Variants in L2HGDH observed in about 807,000 individuals in gnomAD.
L2HGDH encodes the protein L-2-hydroxyglutarate dehydrogenase, mitochondrial.
L2HGDH carries 34 observed loss-of-function variants against 51.5 expected under a neutral mutation model. That is an observed-to-expected ratio of 0.66 (90% CI 0.50 to 0.88). The LOEUF is 0.88. Ranked by LOEUF, L2HGDH falls within the 40% of genes least tolerant of loss-of-function variation. The pLI is 0.00. For synonymous variants in L2HGDH, 198 were observed against 197.9 expected, an observed-to-expected ratio of 1.00 and a Z score of -0.01; for missense variants, 558 against 571.9, an observed-to-expected ratio of 0.98 and a Z score of 0.25.
At chr14:50,258,297 C>T (rs185078405) in intron 9 of L2HGDH, among the ~76,000 whole-genome samples, 1 of 151,874 alleles carries the variant, frequency 6.6e-6, no homozygotes, top group Non-Finnish European at 1.5e-5. Flanking sequence ...CTTACTGCAG[C>T]CCTGACCTCC....
intron 5 of L2HGDH, among the ~76,000 whole-genome samples, chr14:50,283,097 C>T (rs940986741): frequency 1.7e-4 from 26 of 151,670 alleles, no homozygotes; most frequent in African/African-American, 6.3e-4. Flanking sequence ...GCTACTTGGG[C>T]GGCTCAGGTG....
At position 50,293,427 on chromosome 14, in the gene L2HGDH, A is replaced by G. The variant is rs1370967590; in HGVS notation, c.540+688T>C. ...TAGAATATCTTCTAGACCCTGGGCT[A>G]GGCAAAGATTTCTTTTTTTTTCTAT... is the stretch of plus-strand genomic sequence containing the variant. On this transcript the variant is annotated intron_variant, in intron 4 of 9. Coordinates refer to ENST00000267436, the MANE Select transcript of L2HGDH (RefSeq NM_024884.3). The G allele has an allele frequency of 2.0e-5, 9 of 456,912 alleles. No homozygotes were observed. The East Asian group carries it at 3.0e-4, about 15-fold the overall frequency. 28.3% of individuals were successfully genotyped at this position (456,912 alleles called of 1,614,324 possible). A position where few individuals can be genotyped will look rare whatever the true frequency, so the allele number is the denominator to read the frequency against.
rs1204365835 is a variant in L2HGDH at position 50,267,556 on chromosome 14, ATTTTTTTTTTTG to A, written c.1064+185_1064+196del. On this transcript the variant is annotated intron_variant, in intron 8 of 9. Transcript: ENST00000267436. The stretch of plus-strand genomic sequence containing the variant: ...AAATGTTATACTTATTCCAAAAGGC[ATTTTTTTTTTTG>A]TTTGTTTGTTTGTTTGTTTGCTACC... Among the ~76,000 whole-genome samples the A allele has an allele frequency of 2.7e-5, 4 of 150,084 alleles. No homozygotes were observed. The East Asian group carries it at 5.9e-4, about 22-fold the overall frequency.
chr14:50,271,622 C>G (rs1889691164), intron 6 of L2HGDH, among the ~76,000 whole-genome samples: 1 of 152,154 alleles, frequency 6.6e-6, no homozygotes. Flanking sequence ...GGGAGGATCA[C>G]TTGAGCCCAG....
chr14:50,256,293 T>C (rs894881100), intron 9 of L2HGDH, among the ~76,000 whole-genome samples: 3 of 152,026 alleles, frequency 2.0e-5, no homozygotes, highest in Non-Finnish European at 4.4e-5. Flanking sequence ...GGCAGGAGAA[T>C]CACTTGAGCC....
rs1231635969 is a variant in L2HGDH at position 50,278,568 on chromosome 14, A to G, written c.704-14T>C. ...GATATTGCATTCCTGAAAAAAAAGA[A>G]TAAGTGAAAAATTTATTTTTAGCAA... On this transcript the variant is annotated splice_polypyrimidine_tract_variant and intron_variant, in intron 5 of 9. Coordinates refer to ENST00000267436, the MANE Select transcript of L2HGDH (RefSeq NM_024884.3). 7.5e-7 allele frequency: 1 copy of G among 1,338,218 alleles called. No individual in the cohort carries two copies. The highest frequency in any genetic ancestry group is 1.8e-5 in the Admixed American group (1 of 55,368). The allele number at this position is 1,338,218 out of a possible 1,614,324, so 82.9% of individuals were successfully genotyped here. A position where few individuals can be genotyped will look rare whatever the true frequency, so the allele number is the denominator to read the frequency against.
rs778118435 is a variant in L2HGDH at position 50,312,073 on chromosome 14, C to T, written c.78G>A (p.Ala26=). The change falls in exon 1 of 10, where the codon GCG becomes GCA. Residue 26 remains alanine, a synonymous_variant. Transcript: ENST00000267436. ...TTGGCCTCCCAGACGCGAACCCGCA[C>T]GCCCCAGGGGAGCCACCGGCGAAAA... ...RGLFAGGSPG[A]CGFASGRPRP... is the part of the protein sequence containing the mutation. The T allele has an allele frequency of 2.5e-6, 4 of 1,601,666 alleles. No individual in the cohort carries two copies. Among genetic ancestry groups the T allele is most frequent in the Non-Finnish European group, 3.4e-6 (4 of 1,175,462 alleles).
intron 1 of L2HGDH, among the ~76,000 whole-genome samples, chr14:50,305,205 G>T (rs571639913): frequency 1.3e-5 from 2 of 152,306 alleles, no homozygotes; most frequent in South Asian, 4.1e-4. Context: ...CCTTATACTT[G>T]AACAGGGAGA....
chr14:50,293,056 GGAGCTGTGATCACGTCACTGCACTCTA>G (rs2029868431), intron 4 of L2HGDH: 1 of 554,200 alleles, frequency 1.8e-6, no homozygotes, highest in Admixed American at 3.2e-5. Context: ...CTGGTCATGG[GGAGCTGTGATCACGTCACTGCACTCTA>G]GCCTGGGTGA....
chr14:50,282,338 T>A (rs979232056), intron 5 of L2HGDH: 4 of 407,358 alleles, frequency 9.8e-6, no homozygotes, highest in Non-Finnish European at 1.9e-5. Context: ...CTTGGTGTCC[T>A]ACTTTCCTAG....
At chr14:50,290,299 A>G (rs1371852009) in intron 4 of L2HGDH, among the ~76,000 whole-genome samples, 1 of 152,112 alleles carries the variant, frequency 6.6e-6, no homozygotes, top group Non-Finnish European at 1.5e-5. Context: ...AAACAAAAAA[A>G]ACTCCCTTAA....
Position 50,242,911 on chromosome 14 carries a change from C to T in L2HGDH, c.*4147G>A. 3.0e-6 allele frequency: 3 copies of T among 985,434 alleles called. No homozygotes were observed. The highest frequency in any genetic ancestry group is 3.6e-6 in the Non-Finnish European group (3 of 829,944). The allele number at this position is 985,434 out of a possible 1,614,324, so 61.0% of individuals were successfully genotyped here. A position where few individuals can be genotyped will look rare whatever the true frequency, so the allele number is the denominator to read the frequency against. On this transcript the variant is annotated 3_prime_UTR_variant, in exon 10 of 10. Transcript: ENST00000267436. ...CTTAAACAATATAGACACCATGTCT[C>T]CTGTGTTTACAGGGATAGCTCATAG...
chr14:50,301,937 A>G, intron 3 of L2HGDH, 80 bp downstream of exon 3: 1 of 1,433,222 alleles, frequency 7.0e-7, no homozygotes, highest in South Asian at 1.2e-5. Context: ...AAAAAAATAC[A>G]TTTTTAAAAA....
intron 3 of L2HGDH, chr14:50,299,947 G>A (rs771295287): frequency 1.3e-5 from 2 of 152,398 alleles, no homozygotes; most frequent in Non-Finnish European, 2.9e-5. Context: ...ATTATCTTAG[G>A]TGAAATAAAC....
At chr14:50,267,107 A>C (rs17715808) in intron 8 of L2HGDH, among the ~76,000 whole-genome samples, 3,506 of 152,094 alleles carry the variant, frequency 0.023, 57 homozygotes, top group South Asian at 0.045. Flanking sequence ...TTGGATTGCC[A>C]GATATATGAA....
intron 9 of L2HGDH, among the ~76,000 whole-genome samples, chr14:50,260,959 T>C (rs1888982160): frequency 6.6e-6 from 1 of 151,808 alleles, no homozygotes; most frequent in South Asian, 2.1e-4. Context: ...CTACTAAAAA[T>C]ACAAAAAATT....
rs545962248 is a variant in L2HGDH, at chr14:50,289,008, A to G, written c.541-4975T>C. The stretch of plus-strand genomic sequence containing the variant: ...AAGAAACAGAAAGTGGGTTTAATCT[A>G]AATTTTTTAAGTAGACTCCTTTTTA... On this transcript the variant is annotated intron_variant, in intron 4 of 9. Transcript: ENST00000267436. Among the ~76,000 whole-genome samples the G allele has an allele frequency of 5.8e-4, 88 of 152,300 alleles. No individual in the cohort carries two copies. In the South Asian group the frequency reaches 0.013, roughly 23 times the overall value.
intron 8 of L2HGDH, among the ~76,000 whole-genome samples, chr14:50,266,736 T>C (rs1889357391): frequency 6.6e-6 from 1 of 152,222 alleles, no homozygotes; most frequent in Non-Finnish European, 1.5e-5. Flanking sequence ...TCCTAAACTT[T>C]CTGTTTCAGA....
intron 9 of L2HGDH, among the ~76,000 whole-genome samples, chr14:50,260,500 T>A (rs1888957918): frequency 6.6e-6 from 1 of 152,204 alleles, no homozygotes; most frequent in African/African-American, 2.4e-5. Context: ...GCCCCTCAGT[T>A]ATTAAAATTA....
Sources: allele counts gnomAD v4.1 joint callset (sites outside exome capture counted in the v4.1 genomes callset), GRCh38; gene constraint gnomAD v4.1.1; transcripts MANE v1.5; gene names NCBI Gene and HGNC (gene_info 2026-07-23, HGNC 2026-07-21).